The following GABRB1 variants were observed in gnomAD, a reference collection of about 807,000 sequenced individuals.
GABRB1 encodes gamma-aminobutyric acid receptor subunit beta-1.
GABRB1 carries 17 observed loss-of-function variants against 51.6 expected under a neutral mutation model. That is an observed-to-expected ratio of 0.33 (90% CI 0.23 to 0.49). GABRB1 has a LOEUF of 0.49. Among genes scored for constraint, GABRB1 ranks in the 20% least tolerant of loss-of-function variants. The probability of loss-of-function intolerance (pLI) is 0.99; values close to 1 mark genes in which losing one functional copy is unlikely to be tolerated. For missense variants in GABRB1, 410 were observed against 600.6 expected (o/e 0.68, Z 3.32); for synonymous variants, 247 against 218.9 (o/e 1.13, Z -1.14).
chr4:47,332,905 CT>C (rs1725538114), intron 5 of GABRB1, among the ~76,000 whole-genome samples: 2 of 151,740 alleles, frequency 1.3e-5, no homozygotes, highest in African/African-American at 4.8e-5. Context: ...ACTATTCTTT[CT>C]TTTATTTCCT....
intron 1 of GABRB1, among the ~76,000 whole-genome samples, chr4:46,999,495 G>A (rs1160314659): frequency 1.3e-5 from 2 of 152,098 alleles, no homozygotes; most frequent in Admixed American, 1.3e-4. Flanking sequence ...TCATTTAACA[G>A]GGAAGTGGAT....
At chr4:46,998,252 A>G (rs1724064074) in intron 1 of GABRB1, among the ~76,000 whole-genome samples, 1 of 152,192 alleles carries the variant, frequency 6.6e-6, no homozygotes, top group Non-Finnish European at 1.5e-5. Context: ...TTGGAAAGTC[A>G]CCTATTATAG....
chr4:47,209,088 T>C (rs1158445126), intron 4 of GABRB1, among the ~76,000 whole-genome samples: 1 of 152,122 alleles, frequency 6.6e-6, no homozygotes, highest in African/African-American at 2.4e-5. Context: ...AATAATAAAT[T>C]ATCCACATAG....
chr4:47,090,887 T>C lies in GABRB1; in HGVS notation c.240+58403T>C, dbSNP rs547018262. Among the ~76,000 whole-genome samples the C allele has an allele frequency of 4.6e-5, 7 of 152,342 alleles. No individual in the cohort carries two copies. The South Asian group carries it at 1.4e-3, about 32-fold the overall frequency. ...CTCTTCTTTCATGAGCCACCTCAAA[T>C]ATCATTTCTTCTATGAGACATTTCC... On this transcript the variant is annotated intron_variant, in intron 3 of 8. Coordinates refer to ENST00000295454, the MANE Select transcript of GABRB1 (RefSeq NM_000812.4).
intron 3 of GABRB1, among the ~76,000 whole-genome samples, chr4:47,136,349 G>A (rs184949548): frequency 2.6e-5 from 4 of 152,032 alleles, no homozygotes; most frequent in Admixed American, 6.6e-5. Flanking sequence ...CTTATGTAAC[G>A]TTAGGGGATT....
At chr4:47,294,387 C>A (rs981604198) in intron 4 of GABRB1, among the ~76,000 whole-genome samples, 1 of 152,180 alleles carries the variant, frequency 6.6e-6, no homozygotes, top group Non-Finnish European at 1.5e-5. Flanking sequence ...CCTGGAAAAT[C>A]GGGTCACTCC....
At chr4:47,188,005 T>A (rs1201230043) in intron 4 of GABRB1, among the ~76,000 whole-genome samples, 1 of 151,952 alleles carries the variant, frequency 6.6e-6, no homozygotes, top group Non-Finnish European at 1.5e-5. Context: ...TTGTTTTTCA[T>A]CTTAGCAATT....
chr4:47,143,832 A>G (rs1717037174), intron 3 of GABRB1, among the ~76,000 whole-genome samples: 1 of 151,814 alleles, frequency 6.6e-6, no homozygotes, highest in Admixed American at 6.6e-5. Flanking sequence ...TTAACCCACC[A>G]TGATTGCTCC....
chr4:47,327,478 G>A (rs1725302355), intron 5 of GABRB1, among the ~76,000 whole-genome samples: 1 of 152,154 alleles, frequency 6.6e-6, no homozygotes, highest in South Asian at 2.1e-4. Context: ...TAAGTGTAAT[G>A]AAACTATGAA....
chr4:47,184,375 T>C (rs2109774340), intron 4 of GABRB1, among the ~76,000 whole-genome samples: 1 of 152,046 alleles, frequency 6.6e-6, no homozygotes, highest in Non-Finnish European at 1.5e-5. Flanking sequence ...ACTGGTATGT[T>C]TCTAACATGT....
intron 4 of GABRB1, among the ~76,000 whole-genome samples, chr4:47,313,655 C>T (rs1425331412): frequency 2.6e-5 from 4 of 152,122 alleles, no homozygotes; most frequent in African/African-American, 9.7e-5. Flanking sequence ...AGCTCATACA[C>T]TCAGCTCACT....
intron 5 of GABRB1, among the ~76,000 whole-genome samples, chr4:47,366,663 T>C (rs4695220): frequency 0.53 from 80,359 of 151,836 alleles, 21,775 homozygotes; most frequent in African/African-American, 0.58. Flanking sequence ...TCCCCCCTTT[T>C]GAAACATATT....
chr4:47,063,021 AT>A (rs1422855353), intron 3 of GABRB1, among the ~76,000 whole-genome samples: 1 of 152,196 alleles, frequency 6.6e-6, no homozygotes, highest in Non-Finnish European at 1.5e-5. Context: ...CTTTTGGATT[AT>A]ATCACTTCTT....
chr4:47,324,452 T>A (rs1452720624), intron 5 of GABRB1, among the ~76,000 whole-genome samples: 1 of 152,108 alleles, frequency 6.6e-6, no homozygotes, highest in Non-Finnish European at 1.5e-5. Context: ...TTAAAACACC[T>A]CCACTCTATC....
chr4:47,238,722 T>C (rs370593179), intron 4 of GABRB1, among the ~76,000 whole-genome samples: 5 of 152,182 alleles, frequency 3.3e-5, no homozygotes, highest in African/African-American at 1.2e-4. Flanking sequence ...TTTGGAATAC[T>C]TAAGTAAAAA....
intron 1 of GABRB1, among the ~76,000 whole-genome samples, chr4:47,008,115 C>A (rs930783933): frequency 1.3e-5 from 2 of 151,906 alleles, no homozygotes; most frequent in African/African-American, 4.8e-5. Context: ...ATTTAGGTGG[C>A]AAGATGGACA....
chr4:47,075,676 A>G (rs932915983), intron 3 of GABRB1, among the ~76,000 whole-genome samples: 1 of 152,210 alleles, frequency 6.6e-6, no homozygotes, highest in Non-Finnish European at 1.5e-5. Flanking sequence ...TGTTCTTCAC[A>G]GAAATTACTA....
intron 3 of GABRB1, among the ~76,000 whole-genome samples, chr4:47,041,094 G>A (rs1034529740): frequency 2.0e-5 from 3 of 152,136 alleles, no homozygotes; most frequent in Non-Finnish European, 4.4e-5. Context: ...GTGTAAAGCA[G>A]TGTGAGTTCT....
chr4:47,161,170 G>A (rs996643280), intron 3 of GABRB1, 79 bp from the exon 4 acceptor site: 2 of 945,256 alleles, frequency 2.1e-6, no homozygotes, highest in African/African-American at 3.3e-5. Flanking sequence ...TCTCTTACAG[G>A]ACATCCTACA....
Sources: allele counts gnomAD v4.1 joint callset (sites outside exome capture counted in the v4.1 genomes callset), GRCh38; gene constraint gnomAD v4.1.1; transcripts MANE v1.5; gene names NCBI Gene and HGNC (gene_info 2026-07-23, HGNC 2026-07-21).